FHAD1: variants seen among roughly 807,000 people sequenced by gnomAD.
The protein encoded by FHAD1 is forkhead associated phosphopeptide binding domain 1.
A neutral mutation model predicts 191.3 loss-of-function variants in FHAD1; 146 were observed. The observed-to-expected ratio is 0.76, with a 90% CI of 0.67 to 0.88. The LOEUF is 0.88. Ranked by LOEUF, FHAD1 falls within the 40% of genes least tolerant of loss-of-function variation. The probability of loss-of-function intolerance (pLI) is 0.00; values close to 1 mark genes in which losing one functional copy is unlikely to be tolerated. For missense variants in FHAD1, 1,635 were observed against 1,785.8 expected (o/e 0.92, Z 1.52); for synonymous variants, 616 against 672.3 (o/e 0.92, Z 1.29).
chr1:15,383,355 G>T, intron 31 of FHAD1: 5 of 423,622 alleles, frequency 1.2e-5, no homozygotes, highest in South Asian at 5.2e-5. Flanking sequence ...CCTTCCCCAT[G>T]CTGCCCATGA....
chr1:15,366,520 C>T (rs556401822), intron 24 of FHAD1, among the ~76,000 whole-genome samples: 4 of 152,304 alleles, frequency 2.6e-5, no homozygotes, highest in South Asian at 4.1e-4. Context: ...GATAATTTTC[C>T]TTTAGCACAG....
At chr1:15,334,551 G>A (rs959085528) in intron 14 of FHAD1, 2 of 152,250 alleles carry the variant, frequency 1.3e-5, no homozygotes, top group East Asian at 1.9e-4. Context: ...GTTACGTGAC[G>A]TGGCTGCGCC....
At chr1:15,350,095 C>T (rs895342494) in intron 19 of FHAD1, among the ~76,000 whole-genome samples, 3 of 152,120 alleles carry the variant, frequency 2.0e-5, no homozygotes, top group Non-Finnish European at 4.4e-5. Context: ...GTGAACGGTT[C>T]GATTCGGTTT....
chr1:15,400,662 C>T (rs1416847577), downstream of FHAD1, among the ~76,000 whole-genome samples: 5 of 152,194 alleles, frequency 3.3e-5, no homozygotes, highest in African/African-American at 1.2e-4. Context: ...CTCCCCATAA[C>T]AAAGAATTAT....
chr1:15,308,752 C>G lies in FHAD1; in HGVS notation c.1039+16C>G, dbSNP rs754872796. The G allele has an allele frequency of 1.1e-5, 17 of 1,551,254 alleles. No individual in the cohort carries two copies. Among genetic ancestry groups the G allele is most frequent in the Non-Finnish European group, 1.4e-5 (16 of 1,146,870 alleles). On this transcript the variant is annotated intron_variant, in intron 7 of 33. Coordinates refer to ENST00000688493, the MANE Select transcript of FHAD1 (RefSeq NM_001391957.1). ...ATCACATCAGGTGAGCCCTTGGAGTCGGGCCTGGGAGCTGCCACTCCCGCA... is the reference window on the plus strand; with the variant it reads ...ATCACATCAGGTGAGCCCTTGGAGTGGGGCCTGGGAGCTGCCACTCCCGCA...
upstream of FHAD1, among the ~76,000 whole-genome samples, chr1:15,244,486 G>C (rs1445107886): frequency 6.6e-6 from 1 of 152,162 alleles, no homozygotes; most frequent in Admixed American, 6.5e-5. The surrounding 1 kb of genome is among the most constrained non-coding windows in gnomAD (Gnocchi z 5.1). Context: ...AATGACAAGA[G>C]TTTGACCAAA....
rs536447178 is a variant in FHAD1, at chr1:15,360,828, G to A, written c.2962+125G>A. ...TCATTCGAAAGCTCATTCATTCTCT[G>A]AGGCCCCCTTTTGTTCTTGTTACAC... On this transcript the variant is annotated intron_variant, in intron 22 of 33. Coordinates refer to ENST00000688493, the MANE Select transcript of FHAD1 (RefSeq NM_001391957.1). 14 of 774,732 alleles carry A rather than the reference G, an allele frequency of 1.8e-5. No homozygotes were observed. In the African/African-American group the frequency reaches 2.5e-4, roughly 14 times the overall value. The allele number at this position is 774,732 out of a possible 1,614,324, so 48.0% of individuals were successfully genotyped here.
intron 21 of FHAD1, among the ~76,000 whole-genome samples, chr1:15,359,973 T>C (rs1449662267): frequency 6.8e-6 from 1 of 147,116 alleles, no homozygotes; most frequent in African/African-American, 2.5e-5. Context: ...ATTAGCTGAG[T>C]GTGTTGGCGC....
rs1269325149 is a variant in FHAD1 at position 15,301,457 on chromosome 1, G to A, written c.915+16G>A. 6.4e-7 allele frequency: 1 copy of A among 1,550,392 alleles called. No homozygotes were observed. The highest frequency in any genetic ancestry group is 2.0e-5 in the Admixed American group (1 of 50,996). ...GAAAAGCCAGGTAGGCAGAGCCTGA[G>A]AGGTACAGCACAGCTCTCAGGCCAA... On this transcript the variant is annotated intron_variant, in intron 6 of 33. Transcript: ENST00000688493.
chr1:15,369,639 C>T (rs1383627827), intron 26 of FHAD1, 137 bp downstream of exon 26: 14 of 983,552 alleles, frequency 1.4e-5, no homozygotes, highest in East Asian at 2.6e-5. Context: ...TAAAGTAAAT[C>T]GCAGAATACT....
chr1:15,397,118 G>A (rs568520085), intron 33 of FHAD1, among the ~76,000 whole-genome samples, 179 bp from the exon 34 acceptor site: 9 of 151,118 alleles, frequency 6.0e-5, no homozygotes, highest in Non-Finnish European at 7.4e-5. Flanking sequence ...ATGAACCCAG[G>A]AGGCGGAGCT....
At chr1:15,283,138 G>T (rs1165688264) in intron 3 of FHAD1, among the ~76,000 whole-genome samples, 1 of 152,238 alleles carries the variant, frequency 6.6e-6, no homozygotes, top group Non-Finnish European at 1.5e-5. Context: ...CAGGAAAAGG[G>T]TATTACCTTT....
At chr1:15,275,220 C>T (rs1163375523) in intron 3 of FHAD1, among the ~76,000 whole-genome samples, 2 of 152,068 alleles carry the variant, frequency 1.3e-5, no homozygotes, top group Non-Finnish European at 2.9e-5. Flanking sequence ...TCTCAGCCTC[C>T]CAAAGTGCTG....
intron 2 of FHAD1, among the ~76,000 whole-genome samples, chr1:15,263,476 TG>T (rs1211581197): frequency 1.3e-5 from 2 of 151,646 alleles, no homozygotes; most frequent in African/African-American, 4.8e-5. Context: ...AACTAATTTT[TG>T]TTTATGGTGT....
At chr1:15,380,316 C>T (rs1465957210) in intron 28 of FHAD1, among the ~76,000 whole-genome samples, 2 of 152,116 alleles carry the variant, frequency 1.3e-5, no homozygotes, top group Admixed American at 1.3e-4. Context: ...CGTCTTTGCT[C>T]TCTACCCCCT....
intron 5 of FHAD1, among the ~76,000 whole-genome samples, chr1:15,299,515 C>T (rs1668066065): frequency 6.6e-6 from 1 of 152,158 alleles, no homozygotes; most frequent in South Asian, 2.1e-4. Context: ...TGAGAAAATG[C>T]CAATTGACCA....
intron 3 of FHAD1, among the ~76,000 whole-genome samples, chr1:15,273,524 T>C (rs1029516736): frequency 3.3e-5 from 5 of 152,152 alleles, no homozygotes; most frequent in African/African-American, 1.2e-4. Context: ...AACAGCTTTA[T>C]AGAAGTATAA....
chr1:15,401,631 G>C (rs1212546264), downstream of FHAD1, among the ~76,000 whole-genome samples: 1 of 152,206 alleles, frequency 6.6e-6, no homozygotes, highest in African/African-American at 2.4e-5. Context: ...GGAAAAAATA[G>C]CTTCCAGATC....
intron 31 of FHAD1, among the ~76,000 whole-genome samples, chr1:15,386,762 T>A (rs1702182781): frequency 6.6e-6 from 1 of 152,142 alleles, no homozygotes; most frequent in South Asian, 2.1e-4. Flanking sequence ...CAGGAGTCAA[T>A]CCCGTGAAGG....
Sources: allele counts gnomAD v4.1 joint callset (sites outside exome capture counted in the v4.1 genomes callset), GRCh38; gene constraint gnomAD v4.1.1; non-coding constraint Gnocchi (gnomAD v3.1); transcripts MANE v1.5; gene names NCBI Gene and HGNC (gene_info 2026-07-23, HGNC 2026-07-21).